The following GLIS3 variants were observed in gnomAD, a reference collection of about 807,000 sequenced individuals.
The protein encoded by GLIS3 is zinc finger protein GLIS3.
A neutral mutation model predicts 78.6 loss-of-function variants in GLIS3; 53 were observed. That is an observed-to-expected ratio of 0.67 (90% CI 0.54 to 0.85). The LOEUF is 0.85. Among genes scored for constraint, GLIS3 ranks in the 40% least tolerant of loss-of-function variants. GLIS3 has a pLI of 0.00. For synonymous variants in GLIS3, 684 were observed against 509.9 expected (o/e 1.34, Z -4.60); for missense variants, 1,703 against 1,231.1 (o/e 1.38, Z -5.74).
intron 4 of GLIS3, among the ~76,000 whole-genome samples, chr9:4,015,525 C>G (rs1822360084): frequency 6.6e-6 from 1 of 152,176 alleles, no homozygotes; most frequent in Non-Finnish European, 1.5e-5. Flanking sequence ...AGAACACCCT[C>G]TCCCATCCTC....
At position 4,143,160 on chromosome 9, in the gene GLIS3, A is replaced by G. The variant is rs567588161; in HGVS notation, c.389-17219T>C. 9.8e-5 allele frequency among the ~76,000 whole-genome samples: 15 copies of G among 152,288 alleles called. 1 individual carries two copies. In the South Asian group the frequency reaches 3.1e-3, roughly 32 times the overall value. ...ATGTGATGATTTGACATACGTACACACTGTGAAACAATTACCACAATCCAT... is the reference window on the plus strand; with the variant it reads ...ATGTGATGATTTGACATACGTACACGCTGTGAAACAATTACCACAATCCAT... On this transcript the variant is annotated intron_variant, in intron 2 of 10. Coordinates refer to ENST00000381971, the MANE Select transcript of GLIS3 (RefSeq NM_001042413.2).
the GLIS3 span, among the ~76,000 whole-genome samples, chr9:4,462,594 A>AACACACACACAC: frequency 4.3e-4 from 63 of 145,094 alleles, no homozygotes; most frequent in South Asian, 4.5e-3. Context: ...CCATCTCTAT[A>AACACACACACAC]ACACACACAC....
chr9:4,113,596 C>T (rs571962759), intron 4 of GLIS3, among the ~76,000 whole-genome samples: 2 of 152,264 alleles, frequency 1.3e-5, no homozygotes, highest in South Asian at 2.1e-4. Flanking sequence ...TGGTCATAGA[C>T]CACATCAACA....
chr9:4,414,584 G>C, the GLIS3 span, among the ~76,000 whole-genome samples: 41 of 152,024 alleles, frequency 2.7e-4, no homozygotes, highest in Admixed American at 2.7e-3. Context: ...GGATTGCCTG[G>C]TCATTCTTGA....
chr9:4,140,830 C>T (rs976424327), intron 2 of GLIS3, among the ~76,000 whole-genome samples: 22 of 140,422 alleles, frequency 1.6e-4, no homozygotes, highest in Non-Finnish European at 2.3e-4. Flanking sequence ...CGGAGTTTTG[C>T]TCTTATTGCC....
chr9:4,449,934 C>A, the GLIS3 span, among the ~76,000 whole-genome samples: 1 of 152,178 alleles, frequency 6.6e-6, no homozygotes, highest in South Asian at 2.1e-4. Context: ...CAGAGCGCCT[C>A]TTCTCCTCCA....
chr9:3,834,370 T>A (rs1443017717), intron 9 of GLIS3, among the ~76,000 whole-genome samples: 1 of 152,224 alleles, frequency 6.6e-6, no homozygotes, highest in East Asian at 1.9e-4. Flanking sequence ...CTTTCCATGA[T>A]GATGAAAATG....
chr9:4,112,974 C>T (rs1831342596), intron 4 of GLIS3, among the ~76,000 whole-genome samples: 1 of 151,896 alleles, frequency 6.6e-6, no homozygotes, highest in African/African-American at 2.4e-5. Context: ...ACTAGTTACC[C>T]TGCCCCCATG....
the GLIS3 span, among the ~76,000 whole-genome samples, chr9:4,462,853 T>C: frequency 6.6e-6 from 1 of 152,110 alleles, no homozygotes; most frequent in Admixed American, 6.6e-5. Context: ...TCATCCCAAA[T>C]CGTTTGAAAA....
chr9:4,168,792 G>A (rs942202779), intron 2 of GLIS3, among the ~76,000 whole-genome samples: 3 of 152,178 alleles, frequency 2.0e-5, no homozygotes, highest in African/African-American at 7.2e-5. Context: ...ACATTGGGAT[G>A]CCTATGGTAA....
chr9:4,132,001 C>T (rs994257975), intron 2 of GLIS3, among the ~76,000 whole-genome samples: 22 of 150,918 alleles, frequency 1.5e-4, no homozygotes, highest in African/African-American at 4.9e-4. Context: ...TAATTCTCTT[C>T]TCATTTCCAA....
At chr9:4,451,026 A>T in the GLIS3 span, among the ~76,000 whole-genome samples, 1 of 152,254 alleles carries the variant, frequency 6.6e-6, no homozygotes, top group African/African-American at 2.4e-5. Context: ...AATGGGCTAA[A>T]TGCCCCAATT....
chr9:4,254,100 G>C (rs1446620696), intron 2 of GLIS3, among the ~76,000 whole-genome samples: 1 of 152,174 alleles, frequency 6.6e-6, no homozygotes, highest in East Asian at 1.9e-4. Flanking sequence ...TGGTTAACCA[G>C]ACAGATTTCC....
the GLIS3 span, among the ~76,000 whole-genome samples, chr9:4,425,138 G>A: frequency 3.9e-5 from 6 of 152,108 alleles, no homozygotes; most frequent in Non-Finnish European, 7.4e-5. Flanking sequence ...CTGGGTCCCT[G>A]CTCATCTGGA....
chr9:4,279,396 T>C lies in GLIS3; in HGVS notation c.388+6642A>G, dbSNP rs377319653. ...TATTATATATATTTTATATTATATATATATCAGCGTTTTTTTTAATGAAAC... is the reference window on the plus strand; with the variant it reads ...TATTATATATATTTTATATTATATACATATCAGCGTTTTTTTTAATGAAAC... On this transcript the variant is annotated intron_variant, in intron 2 of 10. Coordinates refer to ENST00000381971, the MANE Select transcript of GLIS3 (RefSeq NM_001042413.2). Among the ~76,000 whole-genome samples the C allele has an allele frequency of 1.3e-4, 19 of 145,572 alleles. No individual in the cohort carries two copies. The South Asian group carries it at 3.7e-3, about 28-fold the overall frequency.
At chr9:4,319,364 G>A (rs1280265254) in intron 2 of GLIS3, among the ~76,000 whole-genome samples, 1 of 152,088 alleles carries the variant, frequency 6.6e-6, no homozygotes. Flanking sequence ...ACTCAAATGT[G>A]GCAAAATGTT....
intron 4 of GLIS3, among the ~76,000 whole-genome samples, chr9:4,046,539 A>G (rs930940853): frequency 6.6e-5 from 10 of 152,310 alleles, no homozygotes; most frequent in African/African-American, 2.4e-4. Context: ...CATGGGTCAA[A>G]GGTGGGGCCA....
chr9:4,484,007 A>G, the GLIS3 span, among the ~76,000 whole-genome samples: 1 of 152,220 alleles, frequency 6.6e-6, no homozygotes, highest in African/African-American at 2.4e-5. Context: ...AGCGCCTGGT[A>G]TATAAGTGCT....
chr9:4,226,985 G>A (rs1393070958), intron 2 of GLIS3, among the ~76,000 whole-genome samples: 2 of 152,186 alleles, frequency 1.3e-5, no homozygotes, highest in African/African-American at 4.8e-5. Flanking sequence ...TAAATCTGGT[G>A]AGAACTAGCA....
Sources: allele counts gnomAD v4.1 joint callset (sites outside exome capture counted in the v4.1 genomes callset), GRCh38; gene constraint gnomAD v4.1.1; transcripts MANE v1.5; gene names NCBI Gene and HGNC (gene_info 2026-07-23, HGNC 2026-07-21).